GABRG3: variants seen among roughly 807,000 people sequenced by gnomAD.
GABRG3 encodes gamma-aminobutyric acid type A receptor subunit gamma3, also known as gamma-aminobutyric acid receptor subunit gamma-3.
Under a neutral mutation model 48.8 loss-of-function variants are expected in GABRG3, and 25 were observed. The ratio of observed to expected loss-of-function variants is 0.51; its 90% CI spans 0.37 to 0.72. GABRG3 has a LOEUF of 0.72. GABRG3 is among the 30% of genes least tolerant of loss of function. The pLI, the probability that GABRG3 is intolerant of heterozygous loss-of-function variation, is 0.00. For synonymous variants in GABRG3, 227 were observed against 217.6 expected (o/e 1.04, Z -0.38); for missense variants, 394 against 577.9 (o/e 0.68, Z 3.26).
At chr15:27,113,304 T>C (rs1223650006) in intron 3 of GABRG3, among the ~76,000 whole-genome samples, 3 of 152,204 alleles carry the variant, frequency 2.0e-5, no homozygotes, top group Non-Finnish European at 4.4e-5. Flanking sequence ...TCCTGTTGTT[T>C]TAGTTTCTGT....
At chr15:27,117,487 G>A (rs1404800785) in intron 3 of GABRG3, among the ~76,000 whole-genome samples, 1 of 152,076 alleles carries the variant, frequency 6.6e-6, no homozygotes, top group Admixed American at 6.6e-5. Context: ...TTTTGGGGTA[G>A]GGTTGGGTCA....
intron 5 of GABRG3, among the ~76,000 whole-genome samples, chr15:27,387,783 C>T (rs1895970295): frequency 7.9e-6 from 1 of 126,442 alleles, no homozygotes; most frequent in Non-Finnish European, 1.6e-5. Context: ...AGTCAGTGCA[C>T]TCTGCAGTGC....
intron 3 of GABRG3, among the ~76,000 whole-genome samples, chr15:27,200,820 A>T (rs208135): frequency 0.21 from 32,000 of 151,998 alleles, 3,456 homozygotes; most frequent in East Asian, 0.33. Context: ...CGTGGGTTAC[A>T]GTCTTCACTT....
chr15:27,308,614 C>T (rs377654312), intron 3 of GABRG3, among the ~76,000 whole-genome samples: 10 of 113,278 alleles, frequency 8.8e-5, no homozygotes, highest in East Asian at 4.3e-4. Flanking sequence ...TGTAAACATA[C>T]GCTTATATAT....
At chr15:27,323,385 G>T (rs1893496825) in intron 3 of GABRG3, among the ~76,000 whole-genome samples, 1 of 152,140 alleles carries the variant, frequency 6.6e-6, no homozygotes, top group Non-Finnish European at 1.5e-5. Flanking sequence ...GCATTGGCGG[G>T]CCCTGGATGT....
At chr15:27,353,750 G>A (rs1460438754) in intron 5 of GABRG3, among the ~76,000 whole-genome samples, 1 of 152,140 alleles carries the variant, frequency 6.6e-6, no homozygotes, top group Non-Finnish European at 1.5e-5. Flanking sequence ...GCCAGTATGT[G>A]CGTAGTTTTC....
At chr15:27,490,262 G>A (rs1042877315) in intron 6 of GABRG3, among the ~76,000 whole-genome samples, 7 of 152,098 alleles carry the variant, frequency 4.6e-5, no homozygotes, top group East Asian at 1.9e-4. Flanking sequence ...CCACAAATTC[G>A]TTTTCTATGA....
chr15:27,432,423 C>A (rs528568807), intron 5 of GABRG3, among the ~76,000 whole-genome samples: 2 of 152,102 alleles, frequency 1.3e-5, no homozygotes, highest in African/African-American at 2.4e-5. Flanking sequence ...TTACATTTGC[C>A]CCTCAGAGAG....
chr15:27,408,798 A>T (rs896308238), intron 5 of GABRG3, among the ~76,000 whole-genome samples: 1 of 152,198 alleles, frequency 6.6e-6, no homozygotes, highest in Admixed American at 6.5e-5. Flanking sequence ...TTCAAAAAAG[A>T]CAGGAAACTG....
intron 3 of GABRG3, among the ~76,000 whole-genome samples, chr15:27,318,168 G>T (rs1295854666): frequency 6.6e-6 from 1 of 152,108 alleles, no homozygotes; most frequent in Non-Finnish European, 1.5e-5. Flanking sequence ...CTTTGGAAGG[G>T]TACTCAAAGC....
intron 2 of GABRG3, among the ~76,000 whole-genome samples, chr15:27,009,430 A>G (rs148312923): frequency 6.6e-6 from 1 of 152,196 alleles, no homozygotes. Flanking sequence ...CAATATATAC[A>G]TCCTACATAT....
At chr15:26,982,963 T>C (rs2140639711) in intron 2 of GABRG3, among the ~76,000 whole-genome samples, 1 of 152,278 alleles carries the variant, frequency 6.6e-6, no homozygotes, top group African/African-American at 2.4e-5. Context: ...ATTTAAATGC[T>C]AAATCACGTA....
chr15:27,371,795 T>C (rs1895424199), intron 5 of GABRG3, among the ~76,000 whole-genome samples: 1 of 142,302 alleles, frequency 7.0e-6, no homozygotes, highest in Non-Finnish European at 1.5e-5. Context: ...ATATTTTATA[T>C]AAACATATTT....
chr15:27,198,339 A>G (rs1228822554), intron 3 of GABRG3, among the ~76,000 whole-genome samples: 2 of 152,254 alleles, frequency 1.3e-5, no homozygotes, highest in African/African-American at 2.4e-5. Context: ...GGCGAAGGAT[A>G]TGAACAGACA....
At chr15:27,007,760 GT>G (rs910417088) in intron 2 of GABRG3, among the ~76,000 whole-genome samples, 1 of 151,992 alleles carries the variant, frequency 6.6e-6, no homozygotes, top group Admixed American at 6.6e-5. Context: ...GGGGTTTTTT[GT>G]TTTTTGCTTG....
chr15:27,197,606 C>T (rs1421553521), intron 3 of GABRG3, among the ~76,000 whole-genome samples: 3 of 151,826 alleles, frequency 2.0e-5, no homozygotes, highest in African/African-American at 7.3e-5. Context: ...AAACATTGCA[C>T]GTGCGTTTTT....
intron 3 of GABRG3, among the ~76,000 whole-genome samples, chr15:27,293,976 G>A (rs190386806): frequency 6.6e-6 from 1 of 152,186 alleles, no homozygotes; most frequent in East Asian, 1.9e-4. Context: ...TGTGACAAAT[G>A]GTAAAACAAA....
In GABRG3 at chr15:27,352,917, T is replaced by A. The variant is rs1291729058; in HGVS notation, c.574+24029T>A. 1.3e-5 allele frequency among the ~76,000 whole-genome samples: 2 copies of A among 152,166 alleles called. No individual in the cohort carries two copies. Among genetic ancestry groups the A allele is most frequent in the Non-Finnish European group, 2.9e-5 (2 of 68,032 alleles). The stretch of plus-strand genomic sequence containing the variant: ...CATCTGCATTATCTTATCATCACGA[T>A]TGCTGACAATGAGCCATTGAAAGCG... On this transcript the variant is annotated intron_variant, in intron 5 of 9. Coordinates refer to ENST00000615808, the MANE Select transcript of GABRG3 (RefSeq NM_033223.5). The surrounding 1 kb of genome is among the most constrained non-coding windows in gnomAD (Gnocchi z 4.0).
At chr15:27,391,461 AAAT>A (rs562235488) in intron 5 of GABRG3, among the ~76,000 whole-genome samples, 11 of 151,976 alleles carry the variant, frequency 7.2e-5, no homozygotes, top group Admixed American at 2.0e-4. Flanking sequence ...CAGGTAGTAA[AAAT>A]AATAATAATA....
Sources: allele counts gnomAD v4.1 joint callset (sites outside exome capture counted in the v4.1 genomes callset), GRCh38; gene constraint gnomAD v4.1.1; non-coding constraint Gnocchi (gnomAD v3.1); transcripts MANE v1.5; gene names NCBI Gene and HGNC (gene_info 2026-07-23, HGNC 2026-07-21).